RNLS: variants seen among roughly 807,000 people sequenced by gnomAD.
The protein encoded by RNLS is renalase.
Under a neutral mutation model 39.8 loss-of-function variants are expected in RNLS, and 39 were observed. That is an observed-to-expected ratio of 0.98 (90% CI 0.76 to 1.28). The LOEUF (loss-of-function observed/expected upper bound fraction) is 1.28. RNLS is among the 50% of genes most tolerant of loss of function. The probability of loss-of-function intolerance (pLI) is 0.00; values close to 1 mark genes in which losing one functional copy is unlikely to be tolerated. For synonymous variants in RNLS, 147 were observed against 150.7 expected (o/e 0.98, Z 0.18); for missense variants, 410 against 413.3 (o/e 0.99, Z 0.07).
intron 6 of RNLS, chr10:88,309,290 GAAAAGA>G: frequency 2.6e-6 from 2 of 757,770 alleles, no homozygotes; most frequent in South Asian, 1.6e-5. Flanking sequence ...AAAAAATAAG[GAAAAGA>G]AAAAGAAAAT....
the RNLS span, among the ~76,000 whole-genome samples, chr10:88,195,929 C>A: frequency 1.3e-5 from 2 of 152,118 alleles, no homozygotes; most frequent in Non-Finnish European, 2.9e-5. Context: ...TGACCTGAGT[C>A]CTTTCCAATT....
chr10:88,554,024 G>A (rs1848727245), intron 4 of RNLS, among the ~76,000 whole-genome samples: 1 of 152,066 alleles, frequency 6.6e-6, no homozygotes, highest in Non-Finnish European at 1.5e-5. Flanking sequence ...TTTACTTTTA[G>A]TTTCCTTTTT....
chr10:88,363,217 G>A (rs1259183183), intron 4 of RNLS, among the ~76,000 whole-genome samples: 1 of 152,004 alleles, frequency 6.6e-6, no homozygotes, highest in Non-Finnish European at 1.5e-5. Context: ...ATACAAGGGG[G>A]GAATAACACA....
chr10:88,333,492 C>G (rs1160330920), intron 5 of RNLS, among the ~76,000 whole-genome samples: 1 of 152,156 alleles, frequency 6.6e-6, no homozygotes, highest in East Asian at 1.9e-4. Flanking sequence ...CACAATCTTA[C>G]CATAGCTATC....
intron 4 of RNLS, among the ~76,000 whole-genome samples, chr10:88,448,974 G>T (rs1010571680): frequency 6.6e-6 from 1 of 152,148 alleles, no homozygotes; most frequent in Admixed American, 6.5e-5. Context: ...ACAGGAAGGG[G>T]AACATCACAC....
chr10:88,355,092 G>A (rs1849047179), intron 5 of RNLS, among the ~76,000 whole-genome samples: 2 of 152,102 alleles, frequency 1.3e-5, no homozygotes, highest in Admixed American at 1.3e-4. Context: ...TCTCTGCATT[G>A]GTTATTCTAG....
chr10:88,301,735 G>C (rs1844537657), intron 6 of RNLS, among the ~76,000 whole-genome samples: 1 of 152,190 alleles, frequency 6.6e-6, no homozygotes, highest in Non-Finnish European at 1.5e-5. Flanking sequence ...TTATTCAACA[G>C]TCCCTTATGG....
At chr10:88,218,385 A>G in the RNLS span, among the ~76,000 whole-genome samples, 4 of 152,042 alleles carry the variant, frequency 2.6e-5, no homozygotes, top group Admixed American at 2.6e-4. Context: ...CTTTTCCACA[A>G]TGGTGGGCGG....
At chr10:88,287,513 T>C (rs1843357167) in intron 6 of RNLS, among the ~76,000 whole-genome samples, 4 of 152,166 alleles carry the variant, frequency 2.6e-5, no homozygotes, top group African/African-American at 9.7e-5. Flanking sequence ...TTCTAGATAT[T>C]AGTGATTTCA....
At chr10:88,348,302 T>TC (rs1449311123) in intron 5 of RNLS, among the ~76,000 whole-genome samples, 1 of 152,100 alleles carries the variant, frequency 6.6e-6, no homozygotes, top group Non-Finnish European at 1.5e-5. Flanking sequence ...ATTCCTGCTT[T>TC]CCCCCGGACA....
intron 4 of RNLS, among the ~76,000 whole-genome samples, chr10:88,449,259 T>C (rs931595967): frequency 3.9e-5 from 6 of 152,240 alleles, no homozygotes; most frequent in South Asian, 2.1e-4. Flanking sequence ...CTCCACTGCC[T>C]TCCTCTCTGA....
At chr10:88,490,932 T>G (rs936905584) in intron 4 of RNLS, among the ~76,000 whole-genome samples, 2 of 152,194 alleles carry the variant, frequency 1.3e-5, no homozygotes, top group African/African-American at 4.8e-5. Flanking sequence ...TACAATGAAA[T>G]AACAATAAAA....
the RNLS span, among the ~76,000 whole-genome samples, chr10:88,199,021 A>G: frequency 6.6e-6 from 1 of 151,988 alleles, no homozygotes; most frequent in African/African-American, 2.4e-5. Context: ...CCCAGCAAAG[A>G]CTCCAGAGCA....
chr10:88,200,920 C>T, the RNLS span, among the ~76,000 whole-genome samples: 1 of 152,078 alleles, frequency 6.6e-6, no homozygotes, highest in Non-Finnish European at 1.5e-5. Context: ...GCTTCCAGTG[C>T]CACTCTTTTT....
rs1043891884 is a variant in RNLS, at chr10:88,430,560, T to G, written c.527-67835A>C. 2.0e-5 allele frequency among the ~76,000 whole-genome samples: 3 copies of G among 151,872 alleles called. No individual in the cohort carries two copies. The East Asian group carries it at 5.8e-4, about 29-fold the overall frequency. ...AGTAGTAACAGCAGCCATCCTTATCTTGTACTCAACAGTAGTAGGAAAGAA... is the reference window on the plus strand; with the variant it reads ...AGTAGTAACAGCAGCCATCCTTATCGTGTACTCAACAGTAGTAGGAAAGAA... On this transcript the variant is annotated intron_variant, in intron 4 of 6. Transcript: ENST00000331772.
chr10:88,394,985 T>C lies in RNLS; in HGVS notation c.527-32260A>G, dbSNP rs570640192. 1.1e-3 allele frequency among the ~76,000 whole-genome samples: 162 copies of C among 152,078 alleles called. 2 individuals carry two copies. In the Middle Eastern group the frequency reaches 0.014, roughly 13 times the overall value. The stretch of plus-strand genomic sequence containing the variant: ...GCATGTTCTCACTCATAGGTGGGAA[T>C]TGAACAATGAGAACACATGTACACA... On this transcript the variant is annotated intron_variant, in intron 4 of 6. Coordinates refer to ENST00000331772, the MANE Select transcript of RNLS (RefSeq NM_001031709.3).
intron 5 of RNLS, among the ~76,000 whole-genome samples, chr10:88,361,849 G>C (rs566133431): frequency 6.6e-6 from 1 of 152,226 alleles, no homozygotes; most frequent in African/African-American, 2.4e-5. Flanking sequence ...TCCACAAAAA[G>C]CAGCATTCTC....
chr10:88,330,265 ATGT>A (rs1239905694), intron 5 of RNLS, among the ~76,000 whole-genome samples: 1 of 151,810 alleles, frequency 6.6e-6, no homozygotes, highest in Non-Finnish European at 1.5e-5. Context: ...CATTTAAATA[ATGT>A]TCCTTTGGAA....
chr10:88,321,990 A>G (rs956049030), intron 5 of RNLS, among the ~76,000 whole-genome samples: 1 of 152,178 alleles, frequency 6.6e-6, no homozygotes, highest in Admixed American at 6.5e-5. Context: ...GCAAGGACAC[A>G]ATCAAGGAAG....
Sources: gnomAD v4.1 joint callset for allele counts (sites outside exome capture counted in the v4.1 genomes callset) on GRCh38, gnomAD v4.1.1 for gene constraint, MANE v1.5 for transcripts, NCBI Gene and HGNC (gene_info 2026-07-23, HGNC 2026-07-21) for gene names.